Variants in SNTG2 observed in about 807,000 individuals in gnomAD.
SNTG2 encodes the protein syntrophin gamma 2.
In SNTG2, 74 loss-of-function variants were observed where a neutral mutation model predicts 70.9. The ratio of observed to expected loss-of-function variants is 1.04; its 90% CI spans 0.86 to 1.27. The LOEUF is 1.27. SNTG2 is among the 50% of genes most tolerant of loss of function. The pLI is 0.00. For synonymous variants in SNTG2, 278 were observed against 273.8 expected (o/e 1.02, Z -0.15); for missense variants, 717 against 690.7 (o/e 1.04, Z -0.43).
chr2:1,223,710 G>C (rs927146892), intron 9 of SNTG2, among the ~76,000 whole-genome samples: 2 of 152,250 alleles, frequency 1.3e-5, no homozygotes, highest in African/African-American at 2.4e-5. Context: ...CTGGTGGAAA[G>C]AGTGGATGGA....
rs117799867 is a variant in SNTG2, at chr2:1,054,156, G to A, written c.73-29362G>A. ...CATTGCCACCCTGATTCAGACGGGCGGACCTGAACCTTTGGTTGTTTCCCG... is the reference window on the plus strand; with the variant it reads ...CATTGCCACCCTGATTCAGACGGGCAGACCTGAACCTTTGGTTGTTTCCCG... On this transcript the variant is annotated intron_variant, in intron 1 of 16. Coordinates refer to ENST00000308624, the MANE Select transcript of SNTG2 (RefSeq NM_018968.4). Among the ~76,000 whole-genome samples the A allele has an allele frequency of 2.6e-3, 397 of 152,216 alleles. 9 individuals carry two copies. In the East Asian group the frequency reaches 0.054, roughly 21 times the overall value.
chr2:1,118,094 C>T (rs1440085385), intron 4 of SNTG2, among the ~76,000 whole-genome samples: 1 of 152,134 alleles, frequency 6.6e-6, no homozygotes, highest in Admixed American at 6.5e-5. Flanking sequence ...GCTTTGTGGA[C>T]AATCTGAAGC....
chr2:1,188,498 CAAAAT>C (rs929952585), intron 8 of SNTG2, among the ~76,000 whole-genome samples: 2 of 151,772 alleles, frequency 1.3e-5, no homozygotes, highest in African/African-American at 4.8e-5. Context: ...GAGACACACT[CAAAAT>C]AAATTTTCAT....
Position 1,168,546 on chromosome 2 carries a change from C to T in SNTG2, c.499+2911C>T, listed in dbSNP as rs188840722. 1.5e-3 allele frequency among the ~76,000 whole-genome samples: 231 copies of T among 152,338 alleles called. 1 individual carries two copies. The highest frequency in any genetic ancestry group is 1.1e-3 in the Non-Finnish European group (73 of 68,018). On this transcript the variant is annotated intron_variant, in intron 7 of 16. Transcript: ENST00000308624. ...AACAAGTGAACTTTTCCTGTTTCAGCATTTGATCAAAAGCATCATTAGACT... is the reference window on the plus strand; with the variant it reads ...AACAAGTGAACTTTTCCTGTTTCAGTATTTGATCAAAAGCATCATTAGACT...
At chr2:1,199,218 C>T (rs1255016523) in intron 8 of SNTG2, among the ~76,000 whole-genome samples, 1 of 106,310 alleles carries the variant, frequency 9.4e-6, no homozygotes, top group Non-Finnish European at 2.0e-5. Context: ...GATGGAAGGA[C>T]AGTTAAATAT....
intron 4 of SNTG2, among the ~76,000 whole-genome samples, chr2:1,136,829 C>G (rs1430145402): frequency 6.6e-6 from 1 of 152,202 alleles, no homozygotes; most frequent in Non-Finnish European, 1.5e-5. Flanking sequence ...TATAGTCAAA[C>G]TTTCTCATAC....
At chr2:984,756 A>G (rs559765662) in intron 1 of SNTG2, among the ~76,000 whole-genome samples, 25 of 152,276 alleles carry the variant, frequency 1.6e-4, no homozygotes, top group African/African-American at 5.8e-4. Flanking sequence ...CTCAGCGGGG[A>G]AGACGAGGGT....
At position 1,339,158 on chromosome 2, in the gene SNTG2, G is replaced by A. The variant is rs757211794; in HGVS notation, c.1488+22783G>A. 6.2e-4 allele frequency among the ~76,000 whole-genome samples: 95 copies of A among 152,290 alleles called. 1 individual carries two copies. Among genetic ancestry groups the A allele is most frequent in the Middle Eastern group, 6.8e-3 (2 of 294 alleles). On this transcript the variant is annotated intron_variant, in intron 16 of 16. Coordinates refer to ENST00000308624, the MANE Select transcript of SNTG2 (RefSeq NM_018968.4). ...CTTACCATGTGTTAAGGGGACATCC[G>A]TGTGTCTTCTTTGGAGAAACTTAAG...
intron 1 of SNTG2, among the ~76,000 whole-genome samples, chr2:966,912 C>A (rs112169224): frequency 0.34 from 51,973 of 151,684 alleles, 9,635 homozygotes; most frequent in Middle Eastern, 0.47. Context: ...GCGCCACTGC[C>A]CTCCAGCCTG....
intron 16 of SNTG2, chr2:1,341,638 G>C (rs1048525796): frequency 6.6e-6 from 1 of 152,186 alleles, no homozygotes; most frequent in African/African-American, 2.4e-5. Context: ...GCAGTCTTAA[G>C]ACAGTTGCAT....
intron 14 of SNTG2, among the ~76,000 whole-genome samples, chr2:1,269,853 G>A (rs953738826): frequency 2.0e-5 from 3 of 152,110 alleles, no homozygotes; most frequent in Admixed American, 6.5e-5. Context: ...TTAACAAGCC[G>A]GCACACCTGC....
intron 15 of SNTG2, among the ~76,000 whole-genome samples, chr2:1,313,714 G>T (rs548947292): frequency 2.0e-5 from 3 of 152,290 alleles, no homozygotes; most frequent in East Asian, 3.9e-4. Context: ...CGGCCACACA[G>T]CTCTGAGAAG....
chr2:973,629 TC>T (rs1242129916), intron 1 of SNTG2, among the ~76,000 whole-genome samples: 1 of 152,070 alleles, frequency 6.6e-6, no homozygotes, highest in Non-Finnish European at 1.5e-5. Context: ...TTTTTCTTTT[TC>T]TCCTCTCTTT....
intron 2 of SNTG2, among the ~76,000 whole-genome samples, chr2:1,093,302 A>G (rs11696077): frequency 0.19 from 28,571 of 152,154 alleles, 2,949 homozygotes; most frequent in South Asian, 0.27. Flanking sequence ...TAGTTTGTCT[A>G]GATATCAGCT....
intron 1 of SNTG2, among the ~76,000 whole-genome samples, chr2:963,285 A>C (rs1410172145): frequency 6.6e-6 from 1 of 152,184 alleles, no homozygotes; most frequent in Non-Finnish European, 1.5e-5. Flanking sequence ...GACCCAAAAA[A>C]TTCAAAATTG....
chr2:1,035,890 C>G (rs923089725), intron 1 of SNTG2, among the ~76,000 whole-genome samples: 1 of 152,020 alleles, frequency 6.6e-6, no homozygotes, highest in African/African-American at 2.4e-5. Flanking sequence ...CTATTTTTTT[C>G]CAAAATAAAC....
chr2:1,337,729 CTT>C (rs973906009), intron 16 of SNTG2, among the ~76,000 whole-genome samples: 5 of 152,114 alleles, frequency 3.3e-5, no homozygotes, highest in Admixed American at 2.6e-4. Flanking sequence ...TTTATCTATG[CTT>C]TCTTTGATTG....
chr2:1,241,785 C>T (rs1572843990), intron 11 of SNTG2, among the ~76,000 whole-genome samples: 1 of 152,144 alleles, frequency 6.6e-6, no homozygotes, highest in African/African-American at 2.4e-5. Flanking sequence ...CTTGTTTTTG[C>T]TTCATCTCAG....
chr2:1,222,133 C>T (rs1381243334), intron 9 of SNTG2, among the ~76,000 whole-genome samples: 1 of 127,372 alleles, frequency 7.9e-6, no homozygotes, highest in Non-Finnish European at 1.8e-5. Flanking sequence ...CTGTCTCTCT[C>T]TGTCTCTCTC....
Sources: allele counts gnomAD v4.1 joint callset (sites outside exome capture counted in the v4.1 genomes callset), GRCh38; gene constraint gnomAD v4.1.1; transcripts MANE v1.5; gene names NCBI Gene and HGNC (gene_info 2026-07-23, HGNC 2026-07-21).